Variants in TRIM36 observed in about 807,000 individuals in gnomAD.
TRIM36 encodes tripartite motif containing 36.
Under a neutral mutation model 72.4 loss-of-function variants are expected in TRIM36, and 42 were observed. The ratio of observed to expected loss-of-function variants is 0.58; its 90% CI spans 0.45 to 0.75. TRIM36 has a LOEUF of 0.75. Among genes scored for constraint, TRIM36 ranks in the 30% least tolerant of loss-of-function variants. TRIM36 has a pLI of 0.00. For synonymous variants in TRIM36, 315 were observed against 282.8 expected (o/e 1.11, Z -1.14); for missense variants, 913 against 857.1 (o/e 1.07, Z -0.81).
chr5:115,171,016 A>G (rs1755090888), upstream of TRIM36: 9 of 1,577,442 alleles, frequency 5.7e-6, no homozygotes, highest in African/African-American at 1.4e-5. Context: ...TAGCTAAACA[A>G]TTCATTCCTA....
intron 1 of TRIM36, chr5:115,177,868 G>A (rs1755410653): frequency 1.2e-6 from 2 of 1,613,918 alleles, no homozygotes; most frequent in East Asian, 2.2e-5. Context: ...GCCCATTGCT[G>A]AAGCCTAGTG....
chr5:115,134,060 G>C lies in TRIM36; in HGVS notation c.1298C>G (p.Ala433Gly), dbSNP rs1752832883. 2 of 1,613,554 alleles carry C rather than the reference G, an allele frequency of 1.2e-6. No homozygotes were observed. Among genetic ancestry groups the C allele is most frequent in the Non-Finnish European group, 8.5e-7 (1 of 1,179,836 alleles). Residue 433 changes from alanine to glycine, a missense_variant, in exon 8 of 10, where the codon GCT (alanine) becomes GGT (glycine). Ala to Gly is a moderately conservative substitution (Grantham distance 60). Coordinates refer to ENST00000513154, the MANE Select transcript of TRIM36 (RefSeq NM_001300759.2). ...CCGATATTCAAGAACATAGCTATCA[G>C]CTTTATCCTTTTCTGGATGGTGCCA... ...INWHHPEKDK[A>G]DSYVLEYRKI... is the part of the protein sequence containing the mutation.
intron 5 of TRIM36, among the ~76,000 whole-genome samples, chr5:115,138,773 A>G (rs1385854965): frequency 2.0e-5 from 3 of 152,142 alleles, no homozygotes; most frequent in Admixed American, 6.5e-5. Flanking sequence ...AGCACTTATT[A>G]TAACAGACTC....
At chr5:115,158,959 C>T (rs1272258629) in intron 2 of TRIM36, among the ~76,000 whole-genome samples, 1 of 152,144 alleles carries the variant, frequency 6.6e-6, no homozygotes, top group Non-Finnish European at 1.5e-5. Flanking sequence ...TAAGTATTCT[C>T]CCATGAAATA....
intron 2 of TRIM36, among the ~76,000 whole-genome samples, chr5:115,151,180 T>G (rs375448275): frequency 6.6e-6 from 1 of 152,096 alleles, no homozygotes; most frequent in South Asian, 2.1e-4. Context: ...AACTTGGTAC[T>G]GTTGTTGGGG....
At chr5:115,128,327 C>A (rs537446776) in intron 9 of TRIM36, among the ~76,000 whole-genome samples, 1 of 148,596 alleles carries the variant, frequency 6.7e-6, no homozygotes, top group African/African-American at 2.5e-5. Flanking sequence ...CGAGTTCATG[C>A]CATTGTACTC....
chr5:115,127,298 T>C lies in TRIM36; in HGVS notation c.1797-441A>G, dbSNP rs577801096. Among the ~76,000 whole-genome samples the C allele has an allele frequency of 3.9e-5, 6 of 152,354 alleles. No homozygotes were observed. In the East Asian group the frequency reaches 9.7e-4, roughly 25 times the overall value. ...TATTTCAGTTGGGTGCAGTGGCTCA[T>C]GCCTGTAATCCCAGCACTCTGGGAG... is the stretch of plus-strand genomic sequence containing the variant. On this transcript the variant is annotated intron_variant, in intron 9 of 9. Coordinates refer to ENST00000513154, the MANE Select transcript of TRIM36 (RefSeq NM_001300759.2).
chr5:115,180,005 G>A (rs1278964716), exon 1 of TRIM36: 4 of 1,614,120 alleles, frequency 2.5e-6, no homozygotes, highest in Non-Finnish European at 2.5e-6. Flanking sequence ...CCATGATGTA[G>A]CCAAATTCAC....
chr5:115,127,544 G>C lies in TRIM36; in HGVS notation c.1797-687C>G, dbSNP rs114206570. 9.6e-3 allele frequency among the ~76,000 whole-genome samples: 1,463 copies of C among 152,320 alleles called. 11 individuals carry two copies. The highest frequency in any genetic ancestry group is 0.017 in the Middle Eastern group (5 of 292). On this transcript the variant is annotated intron_variant, in intron 9 of 9. Transcript: ENST00000513154. ...CCACTGCACTGCAGTCCTGGCAACAGAGCGAGACCCTGTCTTAAATAAATA... is the reference window on the plus strand; with the variant it reads ...CCACTGCACTGCAGTCCTGGCAACACAGCGAGACCCTGTCTTAAATAAATA...
chr5:115,161,923 T>C lies in TRIM36; in HGVS notation c.262+1595A>G, dbSNP rs191291951. ...CCGTTTGGCCCTGCAGCATCTAAAT[T>C]TGACACCTGATGTAAACACATTTAG... On this transcript the variant is annotated intron_variant, in intron 2 of 9. Transcript: ENST00000513154. Among the ~76,000 whole-genome samples the C allele has an allele frequency of 1.1e-3, 165 of 152,342 alleles. 1 individual carries two copies. Among genetic ancestry groups the C allele is most frequent in the Non-Finnish European group, 1.7e-3 (113 of 68,028 alleles).
chr5:115,166,244 C>A (rs1754768768), intron 1 of TRIM36, among the ~76,000 whole-genome samples: 1 of 152,108 alleles, frequency 6.6e-6, no homozygotes, highest in South Asian at 2.1e-4. Context: ...TCCAGGCCCA[C>A]CCATGGCCAC....
chr5:115,150,756 T>G (rs1404851070), intron 2 of TRIM36, among the ~76,000 whole-genome samples: 1 of 152,190 alleles, frequency 6.6e-6, no homozygotes, highest in East Asian at 1.9e-4. Flanking sequence ...TGTCTGCCCC[T>G]GAACACACCT....
At chr5:115,179,836 C>T (rs1755533557) in intron 1 of TRIM36, 9 of 762,672 alleles carry the variant, frequency 1.2e-5, no homozygotes, top group South Asian at 1.8e-5. Flanking sequence ...CTGGGACGCC[C>T]GGGCTGCGAG....
chr5:115,135,695 T>C (rs1752929185), intron 7 of TRIM36, among the ~76,000 whole-genome samples: 1 of 152,184 alleles, frequency 6.6e-6, no homozygotes, highest in Non-Finnish European at 1.5e-5. Flanking sequence ...CAAATATCTA[T>C]TTGTATATAT....
At chr5:115,150,723 C>T (rs964398847) in intron 2 of TRIM36, among the ~76,000 whole-genome samples, 1 of 152,208 alleles carries the variant, frequency 6.6e-6, no homozygotes, top group African/African-American at 2.4e-5. Flanking sequence ...AGGGCCCAAA[C>T]TGTGGAACTG....
intron 3 of TRIM36, among the ~76,000 whole-genome samples, chr5:115,145,334 A>G (rs1753527075): frequency 6.6e-6 from 1 of 152,156 alleles, no homozygotes; most frequent in Non-Finnish European, 1.5e-5. Flanking sequence ...TTACTTTGTA[A>G]ACTATTATCA....
At chr5:115,175,084 G>A (rs1755274790) in intron 1 of TRIM36, among the ~76,000 whole-genome samples, 1 of 151,098 alleles carries the variant, frequency 6.6e-6, no homozygotes, top group South Asian at 2.1e-4. Context: ...AATACACCCA[G>A]TTAAATTGGA....
chr5:115,171,159 T>G (rs184941658), upstream of TRIM36: 2 of 1,614,234 alleles, frequency 1.2e-6, no homozygotes, highest in East Asian at 4.5e-5. Context: ...TCTGTCGCTG[T>G]GGCAAGTTCC....
chr5:115,175,109 A>G (rs560563233), intron 1 of TRIM36, among the ~76,000 whole-genome samples: 1 of 152,192 alleles, frequency 6.6e-6, no homozygotes, highest in East Asian at 1.9e-4. Flanking sequence ...CAGATACATG[A>G]TAATTTTTTA....
Sources: gnomAD v4.1 joint callset for allele counts (sites outside exome capture counted in the v4.1 genomes callset) on GRCh38, gnomAD v4.1.1 for gene constraint, MANE v1.5 for transcripts, NCBI Gene and HGNC (gene_info 2026-07-23, HGNC 2026-07-21) for gene names.